Variants in RANBP2 observed in about 807,000 individuals in gnomAD.
The protein encoded by RANBP2 is RAN binding protein 2.
Under a neutral mutation model 303.6 loss-of-function variants are expected in RANBP2, and 57 were observed. The observed-to-expected ratio is 0.19, with a 90% CI of 0.15 to 0.23. The LOEUF (loss-of-function observed/expected upper bound fraction) is 0.23. Among genes scored for constraint, RANBP2 ranks in the 10% least tolerant of loss-of-function variants. The pLI is 1.00. For synonymous variants in RANBP2, 1,167 were observed against 1,301.5 expected, an observed-to-expected ratio of 0.90 and a Z score of 2.23; for missense variants, 3,138 against 3,780.8, an observed-to-expected ratio of 0.83 and a Z score of 4.46.
the RANBP2 span, among the ~76,000 whole-genome samples, chr2:109,211,447 G>A: frequency 6.6e-6 from 1 of 152,240 alleles, no homozygotes; most frequent in Non-Finnish European, 1.5e-5. Flanking sequence ...AGCGGAAGGA[G>A]TAGGGGCCGT....
chr2:109,378,076 T>C, the RANBP2 span, among the ~76,000 whole-genome samples: 41,939 of 152,142 alleles, frequency 0.28, 6,727 homozygotes, highest in Non-Finnish European at 0.37. Context: ...AGGCGGGATG[T>C]GTTCAGGGAG....
the RANBP2 span, among the ~76,000 whole-genome samples, chr2:109,192,375 C>T: frequency 1.3e-5 from 2 of 152,174 alleles, no homozygotes; most frequent in East Asian, 3.8e-4. Flanking sequence ...GCATCATTCT[C>T]AAAATGTGGA....
chr2:109,567,983 A>G, the RANBP2 span: 1 of 1,562,808 alleles, frequency 6.4e-7, no homozygotes, highest in Non-Finnish European at 8.7e-7. Context: ...TTACCTATTA[A>G]GAATAAAGAA....
At chr2:108,781,133 A>G in intron 25 of RANBP2, 136 bp from the exon 26 acceptor site, 1 of 993,762 alleles carries the variant, frequency 1.0e-6, no homozygotes, top group East Asian at 2.6e-5. Flanking sequence ...AATTTACTAG[A>G]ATAATATAAT....
At chr2:109,047,237 C>T in the RANBP2 span, among the ~76,000 whole-genome samples, 1 of 152,180 alleles carries the variant, frequency 6.6e-6, no homozygotes, top group Non-Finnish European at 1.5e-5. Flanking sequence ...CAATTCTTGG[C>T]AGAGGTCCTA....
chr2:108,907,841 G>A, the RANBP2 span: 9 of 1,613,192 alleles, frequency 5.6e-6, no homozygotes, highest in Non-Finnish European at 7.6e-6. Flanking sequence ...GCTCATCATG[G>A]CACCTGCAGG....
At chr2:109,334,321 C>T in the RANBP2 span, among the ~76,000 whole-genome samples, 2 of 141,628 alleles carry the variant, frequency 1.4e-5, no homozygotes, top group Non-Finnish European at 3.0e-5. Context: ...TCACACCACT[C>T]GACTTCAGAT....
the RANBP2 span, among the ~76,000 whole-genome samples, chr2:108,976,303 T>C: frequency 4.6e-5 from 7 of 152,326 alleles, no homozygotes; most frequent in Non-Finnish European, 7.3e-5. Context: ...AGTTGTCAGA[T>C]GTTTTTCTCG....
the RANBP2 span, among the ~76,000 whole-genome samples, chr2:108,881,054 G>A: frequency 2.8e-3 from 433 of 152,352 alleles, 2 homozygotes; most frequent in Non-Finnish European, 4.5e-3. Context: ...AACTGCCGAT[G>A]TGGTGGGAAT....
At chr2:109,002,721 G>C in the RANBP2 span, among the ~76,000 whole-genome samples, 1 of 152,038 alleles carries the variant, frequency 6.6e-6, no homozygotes, top group Non-Finnish European at 1.5e-5. Context: ...TGGGGTTTTG[G>C]GTGTTTTTGT....
At chr2:109,567,007 C>T in the RANBP2 span, among the ~76,000 whole-genome samples, 1 of 151,844 alleles carries the variant, frequency 6.6e-6, no homozygotes, top group African/African-American at 2.4e-5. Flanking sequence ...ACCTCATTTA[C>T]ATTAGTCAGT....
At chr2:109,346,970 T>G in the RANBP2 span, among the ~76,000 whole-genome samples, 1 of 152,270 alleles carries the variant, frequency 6.6e-6, no homozygotes, top group East Asian at 1.9e-4. Flanking sequence ...GAACCCCTGC[T>G]CCTGGGCATG....
At chr2:109,085,511 G>A in the RANBP2 span, among the ~76,000 whole-genome samples, 2 of 150,422 alleles carry the variant, frequency 1.3e-5, no homozygotes, top group Non-Finnish European at 2.9e-5. Context: ...CACCATGTTA[G>A]CCAGGATGGT....
At chr2:109,693,446 A>T in the RANBP2 span, among the ~76,000 whole-genome samples, 1 of 152,294 alleles carries the variant, frequency 6.6e-6, no homozygotes, top group East Asian at 1.9e-4. Flanking sequence ...GGTGTGAGCC[A>T]CCACACCCGG....
the RANBP2 span, among the ~76,000 whole-genome samples, chr2:109,381,742 G>T: frequency 1.3e-5 from 2 of 152,108 alleles, no homozygotes; most frequent in African/African-American, 2.4e-5. Context: ...GATAGTCTCT[G>T]ACATGGAACG....
At chr2:109,275,743 G>C in the RANBP2 span, among the ~76,000 whole-genome samples, 2 of 152,080 alleles carry the variant, frequency 1.3e-5, no homozygotes, top group African/African-American at 4.8e-5. Context: ...TTCCTCTCCC[G>C]GACAGCCGCA....
chr2:109,341,584 G>C, the RANBP2 span, among the ~76,000 whole-genome samples: 5 of 152,158 alleles, frequency 3.3e-5, no homozygotes, highest in Non-Finnish European at 5.9e-5. Flanking sequence ...AAAATGTGTT[G>C]GCTCAGATAA....
the RANBP2 span, among the ~76,000 whole-genome samples, chr2:109,277,143 A>C: frequency 6.6e-6 from 1 of 152,172 alleles, no homozygotes; most frequent in Admixed American, 6.5e-5. Flanking sequence ...ATGGGGTGGC[A>C]GGTCAGCCTT....
the RANBP2 span, among the ~76,000 whole-genome samples, chr2:109,293,644 G>C: frequency 1.3e-5 from 2 of 152,238 alleles, no homozygotes; most frequent in African/African-American, 2.4e-5. Flanking sequence ...ATTTGTCTTT[G>C]GGCAGGGCCC....
Sources: allele counts gnomAD v4.1 joint callset (sites outside exome capture counted in the v4.1 genomes callset), GRCh38; gene constraint gnomAD v4.1.1; transcripts MANE v1.5; gene names NCBI Gene and HGNC (gene_info 2026-07-23, HGNC 2026-07-21).